The following LMO7 variants were observed in gnomAD, a reference collection of about 807,000 sequenced individuals.
LMO7 encodes LIM domain 7.
Under a neutral mutation model 206.5 loss-of-function variants are expected in LMO7, and 120 were observed. The observed-to-expected ratio is 0.58, with a 90% CI of 0.50 to 0.68. The LOEUF is 0.68. Ranked by LOEUF, LMO7 falls within the 30% of genes least tolerant of loss-of-function variation. The pLI, the probability that LMO7 is intolerant of heterozygous loss-of-function variation, is 0.00. For synonymous variants in LMO7, 706 were observed against 681.5 expected (o/e 1.04, Z -0.56); for missense variants, 1,959 against 1,957.9 (o/e 1.00, Z -0.01).
intron 15 of LMO7, among the ~76,000 whole-genome samples, chr13:75,828,084 G>GCTAA (rs2058304206): frequency 6.6e-6 from 1 of 152,204 alleles, no homozygotes; most frequent in African/African-American, 2.4e-5. Context: ...TGACTTTAGA[G>GCTAA]CTAAGTATGT....
Position 75,807,957 on chromosome 13 carries a change from C to G in LMO7, c.1674C>G (p.Leu558=), listed in dbSNP as rs2055764560. The change falls in exon 10 of 31, where the codon CTC becomes CTG. Residue 558 remains leucine, a synonymous_variant. Coordinates refer to ENST00000377534, the MANE Select transcript of LMO7 (RefSeq NM_001306080.2). ...CTCCAGAAATTCAAGCAAAATTTCT[C>G]TGTGTACTTGAAAGGACATGCCCAT... ...TLPPEIQAKF[L]CVLERTCPSK... 3 of 1,613,852 alleles carry G rather than the reference C, an allele frequency of 1.9e-6. No individual in the cohort carries two copies. Among genetic ancestry groups the G allele is most frequent in the Non-Finnish European group, 2.5e-6 (3 of 1,179,880 alleles).
At chr13:75,647,016 A>G (rs2037086011) in intron 1 of LMO7, among the ~76,000 whole-genome samples, 1 of 151,866 alleles carries the variant, frequency 6.6e-6, no homozygotes, top group South Asian at 2.1e-4. Flanking sequence ...GTCACTCCAT[A>G]CTCAGATTTC....
At chr13:75,726,787 T>C (rs1272129135) in intron 2 of LMO7, among the ~76,000 whole-genome samples, 2 of 152,148 alleles carry the variant, frequency 1.3e-5, no homozygotes, top group South Asian at 2.1e-4. Context: ...GCTTTGGATA[T>C]AGAAGTGGGT....
At chr13:75,853,814 G>C (rs1240242456) in intron 28 of LMO7, among the ~76,000 whole-genome samples, 1 of 152,214 alleles carries the variant, frequency 6.6e-6, no homozygotes. Context: ...CACAGGAACT[G>C]AGTGTAAAAG....
chr13:75,711,098 C>T (rs537839889), intron 1 of LMO7, among the ~76,000 whole-genome samples: 72 of 152,198 alleles, frequency 4.7e-4, no homozygotes, highest in African/African-American at 1.5e-3. Context: ...TGCTGTATTA[C>T]GTTTATTGAT....
chr13:75,775,708 C>G (rs985712197), intron 4 of LMO7, among the ~76,000 whole-genome samples: 3 of 151,964 alleles, frequency 2.0e-5, no homozygotes, highest in African/African-American at 7.2e-5. Context: ...AAAACATGCT[C>G]AACATCACTG....
chr13:75,741,344 A>G (rs1380566908), intron 3 of LMO7, among the ~76,000 whole-genome samples: 4 of 152,214 alleles, frequency 2.6e-5, no homozygotes, highest in Non-Finnish European at 2.9e-5. Flanking sequence ...TACCATTATC[A>G]ATGTATTATT....
intron 21 of LMO7, 66 bp downstream of exon 21, chr13:75,840,176 G>A: frequency 6.8e-7 from 1 of 1,470,718 alleles, no homozygotes; most frequent in Admixed American, 1.7e-5. Context: ...GTACACCGTA[G>A]CATGCTTACC....
intron 1 of LMO7, among the ~76,000 whole-genome samples, chr13:75,643,074 G>C (rs2036702769): frequency 6.6e-6 from 1 of 152,222 alleles, no homozygotes; most frequent in African/African-American, 2.4e-5. Flanking sequence ...TAGAGAAAGA[G>C]GAATGGTGTC....
At chr13:75,845,165 G>T (rs1233423059) in intron 25 of LMO7, among the ~76,000 whole-genome samples, 162 bp from the exon 26 acceptor site, 1 of 152,198 alleles carries the variant, frequency 6.6e-6, no homozygotes, top group African/African-American at 2.4e-5. Context: ...CTGTGAGTTT[G>T]TGAAAGATGA....
intron 3 of LMO7, among the ~76,000 whole-genome samples, chr13:75,739,460 T>C (rs2046240198): frequency 6.6e-6 from 1 of 152,244 alleles, no homozygotes; most frequent in African/African-American, 2.4e-5. Context: ...TGGGCAGTGA[T>C]GCCAGCTAGC....
At chr13:75,740,754 C>G (rs2046343643) in intron 3 of LMO7, among the ~76,000 whole-genome samples, 1 of 152,164 alleles carries the variant, frequency 6.6e-6, no homozygotes, top group Non-Finnish European at 1.5e-5. Context: ...TTCTGGCTGT[C>G]ATGACCTCCA....
chr13:75,796,646 C>A lies in LMO7; in HGVS notation c.359C>A (p.Thr120Lys). ...TDRRVKNVLI[T>K]LYWLGRKAQS... ...TTTTTTTTTTTTAAGGTTTTGATAA[C>A]ATTGTACTGGCTGGGAAGAAAAGCA... The change falls in exon 6 of 31, where the codon ACA becomes AAA. Residue 120 changes from threonine to lysine, a missense_variant. Transcript: ENST00000377534. 1.9e-6 allele frequency: 3 copies of A among 1,598,932 alleles called. No individual in the cohort carries two copies. The highest frequency in any genetic ancestry group is 1.7e-5 in the Admixed American group (1 of 59,626).
intron 1 of LMO7, among the ~76,000 whole-genome samples, chr13:75,671,980 A>G (rs1401391377): frequency 1.3e-5 from 2 of 152,126 alleles, no homozygotes; most frequent in African/African-American, 2.4e-5. Flanking sequence ...TATTCTTCAT[A>G]TTTCATACAT....
chr13:75,838,836 C>T (rs945883778), intron 20 of LMO7, among the ~76,000 whole-genome samples: 2 of 152,114 alleles, frequency 1.3e-5, no homozygotes, highest in African/African-American at 4.8e-5. Context: ...GACATTTGCT[C>T]CCGTGTCACG....
intron 1 of LMO7, among the ~76,000 whole-genome samples, chr13:75,652,837 G>A (rs765802700): frequency 2.2e-4 from 34 of 152,096 alleles, no homozygotes; most frequent in Admixed American, 7.2e-4. Flanking sequence ...TCCACAGAGT[G>A]TAATGAGTCA....
chr13:75,681,706 G>GTGTGTATATATA (rs1259746833), intron 1 of LMO7, among the ~76,000 whole-genome samples: 57 of 93,280 alleles, frequency 6.1e-4, no homozygotes, highest in Middle Eastern at 6.9e-3. Context: ...GTATGTATGT[G>GTGTGTATATATA]TATATATATA....
chr13:75,760,878 C>G (rs747385758), intron 3 of LMO7, 54 bp from the exon 4 acceptor site: 1 of 1,605,274 alleles, frequency 6.2e-7, no homozygotes, highest in Non-Finnish European at 8.5e-7. Flanking sequence ...AAATTTGTAA[C>G]CTTTGTCTGA....
intron 29 of LMO7, among the ~76,000 whole-genome samples, chr13:75,855,708 C>T (rs1018856921): frequency 6.6e-6 from 1 of 152,182 alleles, no homozygotes; most frequent in African/African-American, 2.4e-5. Context: ...GGCAGGGACA[C>T]ATGCAGTTAT....
Sources: allele counts gnomAD v4.1 joint callset (sites outside exome capture counted in the v4.1 genomes callset), GRCh38; gene constraint gnomAD v4.1.1; transcripts MANE v1.5; gene names NCBI Gene and HGNC (gene_info 2026-07-23, HGNC 2026-07-21).